USP54: variants seen among roughly 807,000 people sequenced by gnomAD.
USP54 encodes ubiquitin carboxyl-terminal hydrolase 54.
A neutral mutation model predicts 170.5 loss-of-function variants in USP54; 87 were observed. The observed-to-expected ratio is 0.51, with a 90% CI of 0.43 to 0.61. The LOEUF is 0.61. Ranked by LOEUF, USP54 falls within the 20% of genes least tolerant of loss-of-function variation. USP54 has a pLI of 0.00. For synonymous variants in USP54, 655 were observed against 742.8 expected (o/e 0.88, Z 1.92); for missense variants, 1,786 against 2,047.8 (o/e 0.87, Z 2.47).
At chr10:73,608,489 C>G (rs950680496) in intron 1 of USP54, among the ~76,000 whole-genome samples, 2 of 152,132 alleles carry the variant, frequency 1.3e-5, no homozygotes, top group African/African-American at 4.8e-5. Flanking sequence ...TTTAGAGTCC[C>G]TATAACATTA....
At chr10:73,530,920 G>C in intron 12 of USP54, 85 bp from the exon 13 acceptor site, 1 of 1,567,884 alleles carries the variant, frequency 6.4e-7, no homozygotes, top group Non-Finnish European at 8.7e-7. Context: ...CCCTTTGGGA[G>C]TGCCACAAAT....
intron 1 of USP54, among the ~76,000 whole-genome samples, chr10:73,622,639 C>T (rs2081184118): frequency 6.6e-6 from 1 of 151,904 alleles, no homozygotes; most frequent in African/African-American, 2.4e-5. Flanking sequence ...TTATTTACAT[C>T]TACAGTAAAG....
chr10:73,573,558 G>A (rs903456402), intron 3 of USP54, among the ~76,000 whole-genome samples: 2 of 152,180 alleles, frequency 1.3e-5, no homozygotes, highest in African/African-American at 2.4e-5. Flanking sequence ...GAGGTGAGGG[G>A]TTCAAGACCA....
At chr10:73,604,765 C>G (rs551292350) in intron 1 of USP54, among the ~76,000 whole-genome samples, 1 of 151,886 alleles carries the variant, frequency 6.6e-6, no homozygotes, top group African/African-American at 2.4e-5. Context: ...TTCTTGGTCT[C>G]GCTGACTTCA....
chr10:73,544,962 T>C (rs2067437070), intron 5 of USP54, among the ~76,000 whole-genome samples: 1 of 152,188 alleles, frequency 6.6e-6, no homozygotes, highest in African/African-American at 2.4e-5. Flanking sequence ...TCTGCCTGCC[T>C]TGGCCTCCCA....
In USP54 at chr10:73,571,462, GA is replaced by G; in HGVS notation, c.198del (p.His67ThrfsTer63). 1 of 1,614,020 alleles carries G rather than the reference GA, an allele frequency of 6.2e-7. No homozygotes were observed. Among genetic ancestry groups the G allele is most frequent in the Non-Finnish European group, 8.5e-7 (1 of 1,179,942 alleles). Reference sequence around the variant, plus strand: ...ATGCAGGAATCTCCCATGCACTTGTGAGTTGTAAGCTGCCTAAAGCTACGTC... The same window carrying G: ...ATGCAGGAATCTCCCATGCACTTGTGGTTGTAAGCTGCCTAAAGCTACGTC... ...IFRRSFRQLTTHKCMGDSCIF... is the reference protein window; with the variant it reads ...IFRRSFRQLTXHKCMGDSCIF... On this transcript the variant is annotated frameshift_variant, in exon 4 of 24. Transcript: ENST00000687698. LOFTEE classifies it high-confidence loss of function.
At chr10:73,594,530 G>A (rs949219381), upstream of USP54, among the ~76,000 whole-genome samples, 34 of 151,798 alleles carry the variant, frequency 2.2e-4, no homozygotes, top group African/African-American at 6.3e-4. Flanking sequence ...TCAGCCTCCC[G>A]AGTAGCTGGG....
At chr10:73,531,106 T>C (rs2063881463) in intron 12 of USP54, among the ~76,000 whole-genome samples, 1 of 152,038 alleles carries the variant, frequency 6.6e-6, no homozygotes, top group East Asian at 1.9e-4. Context: ...GAGACCAGAC[T>C]GACCAACATG....
At chr10:73,506,671 T>C (rs1457887113) in intron 20 of USP54, 1 of 152,162 alleles carries the variant, frequency 6.6e-6, no homozygotes, top group African/African-American at 2.4e-5. Context: ...TTTAAAAATA[T>C]AGCTTCCTGG....
At chr10:73,606,878 CAAAAAAA>C (rs200071977) in intron 1 of USP54, among the ~76,000 whole-genome samples, 5,171 of 55,892 alleles carry the variant, frequency 0.093, 150 homozygotes, top group South Asian at 0.24. Flanking sequence ...GACAATATCT[CAAAAAAA>C]AAAAAAAAAA....
chr10:73,572,696 T>C (rs1245698792), intron 3 of USP54, among the ~76,000 whole-genome samples: 4 of 152,180 alleles, frequency 2.6e-5, no homozygotes, highest in Admixed American at 6.5e-5. Context: ...ATTTTCAACA[T>C]GTAACATGAT....
At chr10:73,604,754 G>A (rs888496705) in intron 1 of USP54, among the ~76,000 whole-genome samples, 1 of 152,032 alleles carries the variant, frequency 6.6e-6, no homozygotes, top group African/African-American at 2.4e-5. Flanking sequence ...CTTCCAGTGG[G>A]TTCTTGGTCT....
upstream of USP54, among the ~76,000 whole-genome samples, chr10:73,591,706 C>A (rs753657544): frequency 6.6e-6 from 1 of 152,164 alleles, no homozygotes; most frequent in African/African-American, 2.4e-5. Context: ...ATAAGGTTTG[C>A]AGGGTGGCTG....
At chr10:73,616,256 T>C (rs2132335638) in intron 1 of USP54, among the ~76,000 whole-genome samples, 1 of 140,044 alleles carries the variant, frequency 7.1e-6, no homozygotes, top group East Asian at 2.0e-4. Context: ...GAGAACTGCT[T>C]GAGCCCAGGA....
chr10:73,569,929 A>AAAAAAAAAAAAAAAAAAAC (rs1564867742), intron 4 of USP54, among the ~76,000 whole-genome samples: 3 of 135,656 alleles, frequency 2.2e-5, no homozygotes, highest in Non-Finnish European at 1.7e-5. Context: ...AAAAAAAAAA[A>AAAAAAAAAAAAAAAAAAAC]AAAAAAAAAA....
rs570475505 is a variant in USP54, at chr10:73,603,966, G to A, written c.-18+21601C>T. On this transcript the variant is annotated intron_variant, in intron 1 of 22. Coordinates refer to the USP54 transcript ENST00000339859. ...TAGGATGGCTACTATTAAAAAAAAA[G>A]GTGGCCAGGCACAGTGGCTCACACC... 4.1e-4 allele frequency among the ~76,000 whole-genome samples: 63 copies of A among 151,828 alleles called. 1 individual carries two copies. Among genetic ancestry groups the A allele is most frequent in the Non-Finnish European group, 4.4e-5 (3 of 67,894 alleles).
At position 73,519,557 on chromosome 10, in the gene USP54, A is replaced by G. The variant is rs1354520632; in HGVS notation, c.2678+240T>C. ...CACAAGTCCAGGGCTAAAGTTACCC[A>G]TGGGAAATGTGGACAAATGGTCTTA... is the stretch of plus-strand genomic sequence containing the variant. On this transcript the variant is annotated intron_variant, in intron 19 of 23. Coordinates refer to ENST00000687698, the MANE Select transcript of USP54 (RefSeq NM_001391956.1). 8.9e-6 allele frequency: 5 copies of G among 561,218 alleles called. No homozygotes were observed. The East Asian group carries it at 1.3e-4, about 15-fold the overall frequency. 34.8% of individuals were successfully genotyped at this position (561,218 alleles called of 1,614,324 possible). A position where few individuals can be genotyped will look rare whatever the true frequency, so the allele number is the denominator to read the frequency against.
intron 4 of USP54, among the ~76,000 whole-genome samples, chr10:73,560,592 A>T (rs549295857): frequency 3.9e-4 from 54 of 137,034 alleles, no homozygotes; most frequent in Admixed American, 8.7e-4. Context: ...TGAACCCGGG[A>T]GGCAGAGCTT....
intron 4 of USP54, among the ~76,000 whole-genome samples, chr10:73,568,449 T>G (rs2074328622): frequency 6.6e-6 from 1 of 152,138 alleles, no homozygotes; most frequent in African/African-American, 2.4e-5. Context: ...AATTAGTCTA[T>G]CTGCATTACA....
Sources: gnomAD v4.1 joint callset for allele counts (sites outside exome capture counted in the v4.1 genomes callset) on GRCh38, gnomAD v4.1.1 for gene constraint, MANE v1.5 for transcripts, NCBI Gene and HGNC (gene_info 2026-07-23, HGNC 2026-07-21) for gene names.